TENM3: variants seen among roughly 807,000 people sequenced by gnomAD.
TENM3 encodes the protein teneurin transmembrane protein 3.
Under a neutral mutation model 255.1 loss-of-function variants are expected in TENM3, and 63 were observed. The ratio of observed to expected loss-of-function variants is 0.25; its 90% CI spans 0.20 to 0.30. TENM3 has a LOEUF of 0.30. Ranked by LOEUF, TENM3 falls within the 10% of genes least tolerant of loss-of-function variation. The pLI is 1.00. For synonymous variants in TENM3, 1,306 were observed against 1,322.3 expected (o/e 0.99, Z 0.27); for missense variants, 2,929 against 3,461.1 (o/e 0.85, Z 3.86).
At position 182,361,934 on chromosome 4, in the gene TENM3, C is replaced by G. The variant is rs1470042956; in HGVS notation, c.511+15005C>G. Among the ~76,000 whole-genome samples, 4 of 152,326 alleles carry G rather than the reference C, an allele frequency of 2.6e-5. No individual in the cohort carries two copies. The South Asian group carries it at 6.2e-4, about 24-fold the overall frequency. On this transcript the variant is annotated intron_variant, in intron 3 of 27. Coordinates refer to ENST00000511685, the MANE Select transcript of TENM3 (RefSeq NM_001080477.4). ...TTCTGTTTGATAGCTTTCCTTCTGA[C>G]AGACAGGACCCTCAGCTGCAGGTCT...
chr4:182,706,107 T>C (rs1274758270), intron 12 of TENM3, among the ~76,000 whole-genome samples: 1 of 152,210 alleles, frequency 6.6e-6, no homozygotes, highest in Non-Finnish European at 1.5e-5. Flanking sequence ...GTAAATTCCT[T>C]GGGAAATCTA....
chr4:182,641,973 T>C (rs180970153), intron 5 of TENM3, among the ~76,000 whole-genome samples: 19 of 152,338 alleles, frequency 1.2e-4, no homozygotes, highest in African/African-American at 2.4e-4. Context: ...ATCTATTACA[T>C]ACATTTCACA....
At chr4:182,797,352 T>C (rs1369820309) in intron 27 of TENM3, among the ~76,000 whole-genome samples, 1 of 151,814 alleles carries the variant, frequency 6.6e-6, no homozygotes, top group East Asian at 1.9e-4. Flanking sequence ...GGCAGGAGAA[T>C]CACTTGAACC....
intron 3 of TENM3, among the ~76,000 whole-genome samples, chr4:182,542,724 C>T (rs746637428): frequency 5.9e-5 from 9 of 152,136 alleles, no homozygotes; most frequent in Admixed American, 2.0e-4. Flanking sequence ...TGTTTTTGGC[C>T]TCTTAGTATA....
At chr4:182,207,667 G>A (rs1754676795) in intron 1 of TENM3, among the ~76,000 whole-genome samples, 3 of 152,044 alleles carry the variant, frequency 2.0e-5, no homozygotes, top group South Asian at 2.1e-4. Flanking sequence ...TACTTATAAA[G>A]CAAATTTTGG....
At chr4:182,209,689 T>C (rs1256062430) in intron 1 of TENM3, among the ~76,000 whole-genome samples, 3 of 152,134 alleles carry the variant, frequency 2.0e-5, no homozygotes, top group Non-Finnish European at 4.4e-5. Context: ...GATGGGGGTA[T>C]TAACTGGGCT....
the TENM3 span, among the ~76,000 whole-genome samples, chr4:182,110,600 A>T: frequency 6.6e-6 from 1 of 152,148 alleles, no homozygotes. Flanking sequence ...TGCTGGGATT[A>T]CAGGTATGTG....
chr4:182,374,083 G>A (rs1767021298), intron 3 of TENM3, among the ~76,000 whole-genome samples: 1 of 152,102 alleles, frequency 6.6e-6, no homozygotes, highest in Non-Finnish European at 1.5e-5. Context: ...GGGAGCTACA[G>A]TCACGTGTGA....
intron 12 of TENM3, among the ~76,000 whole-genome samples, chr4:182,698,424 G>A (rs993984791): frequency 1.3e-5 from 2 of 152,046 alleles, no homozygotes; most frequent in South Asian, 2.1e-4. Context: ...ATACGATGAC[G>A]TCTCCAAAAG....
chr4:182,253,115 T>G (rs1758136083), intron 1 of TENM3, among the ~76,000 whole-genome samples: 1 of 152,220 alleles, frequency 6.6e-6, no homozygotes, highest in Non-Finnish European at 1.5e-5. Flanking sequence ...CTTTAGGGTT[T>G]AACACAAGTC....
chr4:181,746,634 G>A, the TENM3 span, among the ~76,000 whole-genome samples: 2 of 151,884 alleles, frequency 1.3e-5, no homozygotes, highest in Admixed American at 6.6e-5. Flanking sequence ...TATTCTACCT[G>A]TATAAGTATG....
intron 1 of TENM3, among the ~76,000 whole-genome samples, chr4:182,160,818 G>A (rs1751096567): frequency 1.3e-5 from 2 of 152,030 alleles, no homozygotes. Context: ...CTATAAGAGA[G>A]GAGTTTAAAT....
chr4:182,773,848 C>G, intron 23 of TENM3: 1 of 438,470 alleles, frequency 2.3e-6, no homozygotes, highest in Non-Finnish European at 4.0e-6. Context: ...GATAATCTGT[C>G]ATCCTTGGAA....
chr4:181,763,750 C>G, the TENM3 span, among the ~76,000 whole-genome samples: 3 of 152,150 alleles, frequency 2.0e-5, no homozygotes, highest in East Asian at 5.8e-4. Flanking sequence ...ATAAGTATCC[C>G]TTTTAGCACT....
At chr4:181,699,154 G>T in the TENM3 span, among the ~76,000 whole-genome samples, 1 of 152,246 alleles carries the variant, frequency 6.6e-6, no homozygotes, top group South Asian at 2.1e-4. Context: ...TACAAGGCCA[G>T]GCATAGTGGC....
chr4:182,526,934 C>G (rs1199446034), intron 3 of TENM3, among the ~76,000 whole-genome samples: 1 of 151,538 alleles, frequency 6.6e-6, no homozygotes, highest in Non-Finnish European at 1.5e-5. Context: ...CTTTTACCTT[C>G]TTGAAACTAA....
the TENM3 span, among the ~76,000 whole-genome samples, chr4:181,580,243 C>T: frequency 6.6e-6 from 1 of 152,078 alleles, no homozygotes; most frequent in Non-Finnish European, 1.5e-5. Flanking sequence ...GGTGACCCAC[C>T]AGCCTCGGCC....
At chr4:181,830,758 A>T in the TENM3 span, among the ~76,000 whole-genome samples, 5 of 152,176 alleles carry the variant, frequency 3.3e-5, no homozygotes, top group African/African-American at 1.2e-4. Flanking sequence ...TCCCAGATGG[A>T]CTGAAATCTT....
intron 3 of TENM3, among the ~76,000 whole-genome samples, chr4:182,534,216 C>T (rs533500336): frequency 6.6e-6 from 1 of 152,302 alleles, no homozygotes; most frequent in South Asian, 2.1e-4. Context: ...GCTACTTCAG[C>T]ATGTCAGAGG....
Sources: gnomAD v4.1 joint callset for allele counts (sites outside exome capture counted in the v4.1 genomes callset) on GRCh38, gnomAD v4.1.1 for gene constraint, MANE v1.5 for transcripts, NCBI Gene and HGNC (gene_info 2026-07-23, HGNC 2026-07-21) for gene names.